The following CNTN4 variants were observed in gnomAD, a reference collection of about 807,000 sequenced individuals.
CNTN4 encodes the protein contactin-4.
A neutral mutation model predicts 122.5 loss-of-function variants in CNTN4; 77 were observed. The ratio of observed to expected loss-of-function variants is 0.63; its 90% CI spans 0.52 to 0.76. CNTN4 has a LOEUF of 0.76. CNTN4 is among the 30% of genes least tolerant of loss of function. CNTN4 has a pLI of 0.00. For missense variants in CNTN4, 1,256 were observed against 1,259.1 expected (o/e 1.00, Z 0.04); for synonymous variants, 512 against 447.0 (o/e 1.15, Z -1.83).
chr3:2,534,627 G>A (rs1575886701), intron 3 of CNTN4, among the ~76,000 whole-genome samples: 2 of 151,784 alleles, frequency 1.3e-5, no homozygotes, highest in East Asian at 3.9e-4. Context: ...GTGTCCTCTG[G>A]CACTGTTTTC....
At chr3:2,388,768 C>A (rs1398425623) in intron 3 of CNTN4, among the ~76,000 whole-genome samples, 1 of 151,990 alleles carries the variant, frequency 6.6e-6, no homozygotes, top group African/African-American at 2.4e-5. Flanking sequence ...TCGCTTCAAC[C>A]TGGGAGGTAG....
intron 3 of CNTN4, among the ~76,000 whole-genome samples, chr3:2,413,605 G>A (rs1178420263): frequency 2.6e-5 from 4 of 151,778 alleles, no homozygotes; most frequent in Admixed American, 6.6e-5. Flanking sequence ...GGGCAGTGGC[G>A]TGATCTCGGC....
chr3:2,885,316 T>C (rs1381439052), intron 9 of CNTN4, among the ~76,000 whole-genome samples: 3 of 152,320 alleles, frequency 2.0e-5, no homozygotes, highest in Non-Finnish European at 4.4e-5. Flanking sequence ...CCAACAGTTA[T>C]GGCAGTAGGA....
intron 4 of CNTN4, among the ~76,000 whole-genome samples, chr3:2,615,787 AGATATACCTAGCCTT>A (rs1490770376): frequency 6.6e-6 from 1 of 152,140 alleles, no homozygotes; most frequent in Non-Finnish European, 1.5e-5. Context: ...GAGGGAGGCT[AGATATACCTAGCCTT>A]TAGGAATGAC....
At chr3:2,540,069 T>TTGTGTGTGTGTGTG (rs35310430) in intron 3 of CNTN4, among the ~76,000 whole-genome samples, 27 of 149,062 alleles carry the variant, frequency 1.8e-4, no homozygotes, top group South Asian at 1.7e-3. Context: ...TTCATCAGTG[T>TTGTGTGTGTGTGTG]TGTGTGTGTG....
rs141504728 is a variant in CNTN4, at chr3:2,976,515, C to T, written c.1359-11830C>T. On this transcript the variant is annotated intron_variant, in intron 13 of 24. Coordinates refer to ENST00000418658, the MANE Select transcript of CNTN4 (RefSeq NM_175607.3). Reference sequence around the variant, plus strand: ...GTTCAATAGTGATGTCTATTGCCACCACAGAGACTACACGGAAAGGTCAAT... The same window carrying T: ...GTTCAATAGTGATGTCTATTGCCACTACAGAGACTACACGGAAAGGTCAAT... Among the ~76,000 whole-genome samples the T allele has an allele frequency of 4.7e-3, 698 of 148,558 alleles. 1 individual carries two copies. The highest frequency in any genetic ancestry group is 7.3e-3 in the Non-Finnish European group (487 of 66,504).
intron 2 of CNTN4, among the ~76,000 whole-genome samples, chr3:2,178,261 A>G (rs753041930): frequency 6.6e-6 from 1 of 151,918 alleles, no homozygotes; most frequent in Non-Finnish European, 1.5e-5. Flanking sequence ...ACAAAGGTAC[A>G]TACTTTTTTT....
At chr3:2,995,784 C>G (rs1695480382) in intron 14 of CNTN4, among the ~76,000 whole-genome samples, 1 of 152,120 alleles carries the variant, frequency 6.6e-6, no homozygotes, top group South Asian at 2.1e-4. Context: ...CTCACACACT[C>G]TCAGTAGGGA....
chr3:2,142,807 A>G (rs1574929671), intron 2 of CNTN4, among the ~76,000 whole-genome samples: 1 of 152,216 alleles, frequency 6.6e-6, no homozygotes, highest in East Asian at 1.9e-4. Context: ...CATAGAAACT[A>G]CGGCTGCTTT....
At chr3:2,599,573 C>G (rs766080439) in intron 4 of CNTN4, among the ~76,000 whole-genome samples, 13 of 152,202 alleles carry the variant, frequency 8.5e-5, no homozygotes, top group Non-Finnish European at 1.5e-4. Flanking sequence ...AGAAGACACT[C>G]AGACAGCCCA....
intron 2 of CNTN4, among the ~76,000 whole-genome samples, chr3:2,187,669 A>T (rs1423075765): frequency 6.6e-6 from 1 of 152,100 alleles, no homozygotes; most frequent in Non-Finnish European, 1.5e-5. Flanking sequence ...ACATGCAGAG[A>T]TGTATTTACC....
At chr3:2,871,690 C>G (rs2093786025) in intron 8 of CNTN4, among the ~76,000 whole-genome samples, 1 of 152,106 alleles carries the variant, frequency 6.6e-6, no homozygotes, top group African/African-American at 2.4e-5. Context: ...GGACAGATTC[C>G]TGGTCCCTGA....
chr3:2,645,511 T>A (rs561683334), intron 4 of CNTN4, among the ~76,000 whole-genome samples: 1 of 152,318 alleles, frequency 6.6e-6, no homozygotes, highest in African/African-American at 2.4e-5. Flanking sequence ...CTGAATAATC[T>A]CATTTGCATA....
chr3:2,297,979 G>A (rs2042375635), intron 2 of CNTN4, among the ~76,000 whole-genome samples: 1 of 152,154 alleles, frequency 6.6e-6, no homozygotes, highest in South Asian at 2.1e-4. Flanking sequence ...CATCCTGCCT[G>A]CCTTGGCCTC....
chr3:2,181,163 T>A (rs991138166), intron 2 of CNTN4, among the ~76,000 whole-genome samples: 2 of 152,076 alleles, frequency 1.3e-5, no homozygotes, highest in African/African-American at 4.8e-5. Context: ...TAAAAGTGAT[T>A]GATGCATTAT....
At chr3:2,697,276 T>G (rs1276847831) in intron 4 of CNTN4, among the ~76,000 whole-genome samples, 1 of 152,204 alleles carries the variant, frequency 6.6e-6, no homozygotes, top group East Asian at 1.9e-4. Context: ...ATGTCTGTGG[T>G]ATGCCTGCCC....
At chr3:2,523,859 A>G (rs1227358941) in intron 3 of CNTN4, among the ~76,000 whole-genome samples, 1 of 152,086 alleles carries the variant, frequency 6.6e-6, no homozygotes, top group Non-Finnish European at 1.5e-5. Context: ...TTGTAAATAT[A>G]CACAAAAAAA....
chr3:2,383,342 G>C (rs947842219), intron 3 of CNTN4, among the ~76,000 whole-genome samples: 18 of 152,254 alleles, frequency 1.2e-4, no homozygotes, highest in South Asian at 6.2e-4. Flanking sequence ...TAGTGATGAT[G>C]ATGATGATGA....
chr3:2,439,082 G>T (rs1235206933), intron 3 of CNTN4, among the ~76,000 whole-genome samples: 1 of 152,156 alleles, frequency 6.6e-6, no homozygotes, highest in African/African-American at 2.4e-5. Flanking sequence ...GATCCTTAAG[G>T]ATTACTTTAA....
Sources: allele counts gnomAD v4.1 joint callset (sites outside exome capture counted in the v4.1 genomes callset), GRCh38; gene constraint gnomAD v4.1.1; transcripts MANE v1.5; gene names NCBI Gene and HGNC (gene_info 2026-07-23, HGNC 2026-07-21).